DLGAP2: variants seen among roughly 807,000 people sequenced by gnomAD.
DLGAP2 encodes disks large-associated protein 2.
Under a neutral mutation model 100.3 loss-of-function variants are expected in DLGAP2, and 26 were observed. The ratio of observed to expected loss-of-function variants is 0.26; its 90% CI spans 0.19 to 0.36. DLGAP2 has a LOEUF of 0.36. Ranked by LOEUF, DLGAP2 falls within the 10% of genes least tolerant of loss-of-function variation. The pLI is 1.00. For synonymous variants in DLGAP2, 886 were observed against 630.1 expected (o/e 1.41, Z -6.08); for missense variants, 1,858 against 1,453.2 (o/e 1.28, Z -4.53).
At chr8:1,170,816 G>T in intron 2 of DLGAP2, among the ~76,000 whole-genome samples, 5 of 142,410 alleles carry the variant, frequency 3.5e-5, no homozygotes, top group Non-Finnish European at 4.7e-5. Flanking sequence ...CAATTTTGTG[G>T]ATCCTTTCAA....
At chr8:1,191,423 G>T in intron 2 of DLGAP2, among the ~76,000 whole-genome samples, 1 of 152,172 alleles carries the variant, frequency 6.6e-6, no homozygotes, top group Non-Finnish European at 1.5e-5. Flanking sequence ...GCCCGCCTCA[G>T]CCTCCCAAAG....
chr8:1,367,319 T>A (rs1802131564), intron 3 of DLGAP2, among the ~76,000 whole-genome samples: 2 of 152,248 alleles, frequency 1.3e-5, no homozygotes, highest in African/African-American at 4.8e-5. Flanking sequence ...TGAAGATGAT[T>A]CTTTTGGATT....
rs140136874 is a variant in DLGAP2, at chr8:1,117,107, C to G, written c.74-141744C>G. Among the ~76,000 whole-genome samples the G allele has an allele frequency of 3.5e-3, 532 of 152,160 alleles. 3 individuals carry two copies. Among genetic ancestry groups the G allele is most frequent in the African/African-American group, 0.011 (457 of 41,548 alleles). ...CTACAGCAATTTCATCTCCTTGGGA[C>G]CCAGCATCAAGAAGAGGTTTTGGAA... On this transcript the variant is annotated intron_variant, in intron 2 of 14. Coordinates refer to ENST00000637795, the MANE Select transcript of DLGAP2 (RefSeq NM_001346810.2).
intron 3 of DLGAP2, among the ~76,000 whole-genome samples, chr8:1,458,168 A>C (rs1798375162): frequency 6.6e-6 from 1 of 151,614 alleles, no homozygotes; most frequent in Non-Finnish European, 1.5e-5. Flanking sequence ...GGCCTCCCAA[A>C]GTGCTGGGAT....
chr8:1,429,006 T>G (rs1316681582), intron 3 of DLGAP2, among the ~76,000 whole-genome samples: 1 of 152,230 alleles, frequency 6.6e-6, no homozygotes, highest in African/African-American at 2.4e-5. Context: ...TGGAGTTTAT[T>G]TGAACAGACA....
intron 8 of DLGAP2, among the ~76,000 whole-genome samples, chr8:1,637,268 G>C (rs1797788745): frequency 6.6e-6 from 1 of 152,164 alleles, no homozygotes; most frequent in South Asian, 2.1e-4. Context: ...GCTTTGGGAA[G>C]GACATTTAGC....
intron 8 of DLGAP2, among the ~76,000 whole-genome samples, chr8:1,658,824 A>G (rs62483113): frequency 7.3e-5 from 11 of 151,468 alleles, no homozygotes; most frequent in Non-Finnish European, 7.4e-5. Context: ...TTGTGTCTCT[A>G]TCTCCTTCAG....
intron 3 of DLGAP2, among the ~76,000 whole-genome samples, chr8:1,357,277 C>T (rs1801877912): frequency 6.6e-6 from 1 of 152,088 alleles, no homozygotes; most frequent in Non-Finnish European, 1.5e-5. Flanking sequence ...GGGTGTCCTT[C>T]AGGGCAGTGC....
intron 2 of DLGAP2, among the ~76,000 whole-genome samples, chr8:1,103,078 A>C (rs1804639151): frequency 4.0e-5 from 6 of 150,562 alleles, no homozygotes; most frequent in Admixed American, 1.3e-4. Context: ...GGGTCTTCGT[A>C]ACTTTCTGGG....
chr8:1,301,086 C>G (rs1212973370), intron 3 of DLGAP2: 2 of 152,436 alleles, frequency 1.3e-5, no homozygotes, highest in Non-Finnish European at 2.9e-5. Flanking sequence ...TGTCTGCCCC[C>G]CGCCCTCTGG....
chr8:930,037 C>G (rs1276120717), intron 2 of DLGAP2, among the ~76,000 whole-genome samples: 1 of 152,060 alleles, frequency 6.6e-6, no homozygotes, highest in African/African-American at 2.4e-5. Context: ...CATCCTGATT[C>G]ATGATTTTCT....
At chr8:1,493,091 G>A (rs1289413128) in intron 3 of DLGAP2, among the ~76,000 whole-genome samples, 3 of 152,180 alleles carry the variant, frequency 2.0e-5, no homozygotes, top group Non-Finnish European at 4.4e-5. Context: ...ATCTGGGCAG[G>A]GCACAAGGTG....
intron 2 of DLGAP2, among the ~76,000 whole-genome samples, chr8:1,130,931 A>G (rs1796280261): frequency 6.6e-6 from 1 of 151,792 alleles, no homozygotes; most frequent in Non-Finnish European, 1.5e-5. Context: ...CTCCCTGATG[A>G]GGGGAAGGGT....
chr8:1,352,133 G>T (rs1257216613), intron 3 of DLGAP2, among the ~76,000 whole-genome samples: 1 of 102,002 alleles, frequency 9.8e-6, no homozygotes, highest in Non-Finnish European at 2.1e-5. Context: ...ACGGCCGTGC[G>T]GGTCCTGACT....
At chr8:1,231,591 C>A (rs1449212699) in intron 2 of DLGAP2, among the ~76,000 whole-genome samples, 3 of 152,130 alleles carry the variant, frequency 2.0e-5, no homozygotes, top group Non-Finnish European at 4.4e-5. Flanking sequence ...CCTAGGCATG[C>A]AACACAGGTG....
chr8:1,451,438 C>G lies in DLGAP2; in HGVS notation c.107-49928C>G, dbSNP rs886651035. Reference sequence around the variant, plus strand: ...TTGAAGCTTTATCACATCCATCAGCCCAGCACGCTCTGAAAGGGCGCTGGT... The same window carrying G: ...TTGAAGCTTTATCACATCCATCAGCGCAGCACGCTCTGAAAGGGCGCTGGT... On this transcript the variant is annotated intron_variant, in intron 3 of 14. Transcript: ENST00000637795. Among the ~76,000 whole-genome samples the G allele has an allele frequency of 3.3e-5, 5 of 152,124 alleles. No individual in the cohort carries two copies. The East Asian group carries it at 7.7e-4, about 24-fold the overall frequency.
chr8:1,202,214 A>G (rs1797892892), intron 2 of DLGAP2, among the ~76,000 whole-genome samples: 1 of 150,588 alleles, frequency 6.6e-6, no homozygotes. Context: ...GTGTATGTGT[A>G]TGCATGTATT....
rs1298035436 is a variant in DLGAP2 at position 775,031 on chromosome 8, G to C, written c.18+37206G>C. On this transcript the variant is annotated intron_variant, in intron 1 of 14. Transcript: ENST00000637795. ...GTATCCTCTTTTATTTCTTTGAGCA[G>C]TGGTTTGTAGTTCTCCTCGAAGAGG... is the stretch of plus-strand genomic sequence containing the variant. 2.6e-5 allele frequency among the ~76,000 whole-genome samples: 4 copies of C among 152,228 alleles called. No individual in the cohort carries two copies. In the East Asian group the frequency reaches 7.7e-4, roughly 29 times the overall value.
chr8:1,464,944 A>G (rs933076343), intron 3 of DLGAP2, among the ~76,000 whole-genome samples: 1 of 152,224 alleles, frequency 6.6e-6, no homozygotes, highest in Non-Finnish European at 1.5e-5. Context: ...TGTGAGGGAA[A>G]ACACACCACA....
Sources: allele counts gnomAD v4.1 joint callset (sites outside exome capture counted in the v4.1 genomes callset), GRCh38; gene constraint gnomAD v4.1.1; transcripts MANE v1.5; gene names NCBI Gene and HGNC (gene_info 2026-07-23, HGNC 2026-07-21).